The following ADGRB3 variants were observed in gnomAD, a reference collection of about 807,000 sequenced individuals.
ADGRB3 encodes the protein adhesion G protein-coupled receptor B3.
In ADGRB3, 37 loss-of-function variants were observed where a neutral mutation model predicts 193.4. The observed-to-expected ratio is 0.19, with a 90% CI of 0.15 to 0.25. The LOEUF is 0.25. Ranked by LOEUF, ADGRB3 falls within the 10% of genes least tolerant of loss-of-function variation. ADGRB3 has a pLI of 1.00. For synonymous variants in ADGRB3, 690 were observed against 644.2 expected (o/e 1.07, Z -1.08); for missense variants, 1,637 against 1,852.9 (o/e 0.88, Z 2.14).
chr6:68,911,132 C>G (rs1766694176), intron 3 of ADGRB3, among the ~76,000 whole-genome samples: 1 of 151,750 alleles, frequency 6.6e-6, no homozygotes, highest in Admixed American at 6.6e-5. Flanking sequence ...ATGGATGAAG[C>G]TGGAAACCAT....
At chr6:68,979,661 A>C (rs1486328123) in intron 10 of ADGRB3, among the ~76,000 whole-genome samples, 1 of 151,522 alleles carries the variant, frequency 6.6e-6, no homozygotes, top group Non-Finnish European at 1.5e-5. Context: ...AAAAGTAAAC[A>C]TAATTGCAGA....
chr6:68,897,233 G>A (rs1311622380), intron 3 of ADGRB3, among the ~76,000 whole-genome samples: 2 of 151,732 alleles, frequency 1.3e-5, no homozygotes, highest in African/African-American at 4.8e-5. Context: ...GGTGACTTAG[G>A]CCTGCAATGC....
At chr6:69,056,188 G>A (rs1235428898) in intron 15 of ADGRB3, among the ~76,000 whole-genome samples, 1 of 152,020 alleles carries the variant, frequency 6.6e-6, no homozygotes, top group Non-Finnish European at 1.5e-5. Context: ...ACCCATTGTA[G>A]TTTTGATTTG....
chr6:68,742,988 T>A (rs1449565384), intron 3 of ADGRB3, among the ~76,000 whole-genome samples: 2 of 152,096 alleles, frequency 1.3e-5, no homozygotes, highest in East Asian at 3.8e-4. Context: ...TACTTGTGTT[T>A]ATTCTTACAG....
chr6:69,113,364 A>G (rs1773430870), intron 17 of ADGRB3, among the ~76,000 whole-genome samples: 1 of 151,646 alleles, frequency 6.6e-6, no homozygotes, highest in African/African-American at 2.4e-5. Context: ...TATGTATCAT[A>G]TATATGTATA....
intron 20 of ADGRB3, among the ~76,000 whole-genome samples, chr6:69,255,554 T>C (rs1212289795): frequency 1.3e-5 from 2 of 151,684 alleles, no homozygotes; most frequent in Non-Finnish European, 2.9e-5. Flanking sequence ...GGGTTGTTTG[T>C]TTTTTTCTTG....
At chr6:68,652,466 C>G (rs913922705) in intron 3 of ADGRB3, among the ~76,000 whole-genome samples, 17 of 152,110 alleles carry the variant, frequency 1.1e-4, no homozygotes, top group African/African-American at 4.1e-4. Flanking sequence ...TCAAGACAGG[C>G]ACCACATTTC....
In ADGRB3 at chr6:68,677,529, T is replaced by C. The variant is rs575214802; in HGVS notation, c.757+38097T>C. On this transcript the variant is annotated intron_variant, in intron 3 of 31. Transcript: ENST00000370598. ...CTTTTTTTTCTTTTTTTCTTTTTTTTTTTTTTTTTGACAGGTCTCACTCTG... is the reference window on the plus strand; with the variant it reads ...CTTTTTTTTCTTTTTTTCTTTTTTTCTTTTTTTTTGACAGGTCTCACTCTG... 2.3e-3 allele frequency among the ~76,000 whole-genome samples: 338 copies of C among 147,074 alleles called. 2 individuals carry two copies. The highest frequency in any genetic ancestry group is 3.8e-3 in the Non-Finnish European group (255 of 66,654).
chr6:69,233,514 A>T, intron 18 of ADGRB3, 98 bp downstream of exon 18: 1 of 1,458,124 alleles, frequency 6.9e-7, no homozygotes, highest in South Asian at 1.2e-5. Context: ...GAAATGGAAA[A>T]TGTTGCAGGG....
intron 15 of ADGRB3, among the ~76,000 whole-genome samples, chr6:69,060,200 T>C (rs200920764): frequency 0.014 from 1,130 of 83,360 alleles, no homozygotes; most frequent in African/African-American, 0.017. Context: ...CTCTCTCTCT[T>C]TCTCTGTCTC....
intron 20 of ADGRB3, among the ~76,000 whole-genome samples, chr6:69,247,824 A>G (rs1766531599): frequency 6.6e-6 from 1 of 152,168 alleles, no homozygotes; most frequent in East Asian, 1.9e-4. Flanking sequence ...AATGAGGGAT[A>G]ATATAATAGG....
chr6:69,242,419 A>T (rs1766404471), intron 20 of ADGRB3, among the ~76,000 whole-genome samples: 1 of 151,794 alleles, frequency 6.6e-6, no homozygotes, highest in Admixed American at 6.6e-5. Context: ...GAGCTTTTTG[A>T]TGAAGAAATT....
chr6:69,361,333 C>T lies in ADGRB3; in HGVS notation c.4060C>T (p.Pro1354Ser). The T allele has an allele frequency of 6.2e-7, 1 of 1,612,980 alleles. No homozygotes were observed. Among genetic ancestry groups the T allele is most frequent in the South Asian group, 1.1e-5 (1 of 91,064 alleles). ...AAACCCTGAATTCAATATGAATCCC[C>T]CTGTAATGGACCAGTTCAATATGAA... ...KVNPEFNMNPPVMDQFNMNLE... is the reference protein window; with the variant it reads ...KVNPEFNMNPSVMDQFNMNLE... The change falls in exon 29 of 32, where the codon CCT (proline) becomes TCT (serine). Residue 1354 changes from proline (P) to serine (S), a missense_variant. Physicochemically the swap from Pro to Ser is moderately conservative, Grantham distance 74 (BLOSUM62 -1). This residue lies in a region of ADGRB3 where 368 missense variants were observed against 367.4 expected (regional missense o/e 1.00). Transcript: ENST00000370598.
Position 68,635,602 on chromosome 6 carries a change from T to C in ADGRB3, c.-586T>C. 6.5e-6 allele frequency: 1 copy of C among 153,904 alleles called. No homozygotes were observed. Among genetic ancestry groups the C allele is most frequent in the Non-Finnish European group, 1.4e-5 (1 of 69,364 alleles). 9.5% of individuals were successfully genotyped at this position (153,904 alleles called of 1,614,324 possible). On this transcript the variant is annotated 5_prime_UTR_variant, in exon 1 of 32. Coordinates refer to ENST00000370598, the MANE Select transcript of ADGRB3 (RefSeq NM_001704.3). ...CTTCTCGTCTCAGCGCTTTCTTTGC[T>C]TCTTGGTTTGTTGGGGGTAGCTTTT...
chr6:68,911,303 A>T lies in ADGRB3; in HGVS notation c.758-19256A>T, dbSNP rs569641904. 9.2e-5 allele frequency among the ~76,000 whole-genome samples: 14 copies of T among 151,782 alleles called. No individual in the cohort carries two copies. In the South Asian group the frequency reaches 2.9e-3, roughly 32 times the overall value. ...GAGGGGGGAGGGCTAGCATTAGGAGATATACCTAATGTTAAATAACGAGTT... is the reference window on the plus strand; with the variant it reads ...GAGGGGGGAGGGCTAGCATTAGGAGTTATACCTAATGTTAAATAACGAGTT... On this transcript the variant is annotated intron_variant, in intron 3 of 31. Transcript: ENST00000370598.
At chr6:68,680,790 T>C (rs186069898) in intron 3 of ADGRB3, among the ~76,000 whole-genome samples, 1 of 152,276 alleles carries the variant, frequency 6.6e-6, no homozygotes, top group East Asian at 1.9e-4. Flanking sequence ...AAGATCTCTA[T>C]TGGACTTGGA....
intron 8 of ADGRB3, among the ~76,000 whole-genome samples, chr6:68,973,564 A>G (rs540294386): frequency 6.6e-6 from 1 of 152,084 alleles, no homozygotes; most frequent in Non-Finnish European, 1.5e-5. Flanking sequence ...AAGAAATCAC[A>G]CTCCTGTGTT....
chr6:69,024,704 T>C (rs1770374504), intron 13 of ADGRB3, among the ~76,000 whole-genome samples: 2 of 152,248 alleles, frequency 1.3e-5, no homozygotes, highest in Non-Finnish European at 1.5e-5. Flanking sequence ...AGTTATCCAG[T>C]AATCCAATAA....
intron 17 of ADGRB3, among the ~76,000 whole-genome samples, chr6:69,153,867 C>G (rs1303569853): frequency 1.3e-5 from 2 of 152,074 alleles, no homozygotes; most frequent in East Asian, 3.9e-4. Context: ...GTGGCATGTG[C>G]CTGTAGTCCC....
Sources: gnomAD v4.1 joint callset for allele counts (sites outside exome capture counted in the v4.1 genomes callset) on GRCh38, gnomAD v4.1.1 for gene constraint, gnomAD v4.1.1 regional missense constraint, MANE v1.5 for transcripts, NCBI Gene and HGNC (gene_info 2026-07-23, HGNC 2026-07-21) for gene names.